MCPH1: variants seen among roughly 807,000 people sequenced by gnomAD.
MCPH1 encodes the protein microcephalin 1, also known as microcephalin.
MCPH1 carries 104 observed loss-of-function variants against 84.5 expected under a neutral mutation model. That is an observed-to-expected ratio of 1.23 (90% CI 1.05 to 1.45). The LOEUF is 1.45. MCPH1 is among the 40% of genes most tolerant of loss of function. The pLI is 0.00. For missense variants in MCPH1, 1,498 were observed against 1,005.7 expected (o/e 1.49, Z -6.62); for synonymous variants, 514 against 366.8 (o/e 1.40, Z -4.58).
chr8:6,422,494 A>G (rs576315605), intron 3 of MCPH1, among the ~76,000 whole-genome samples: 23 of 152,296 alleles, frequency 1.5e-4, no homozygotes, highest in South Asian at 4.1e-4. Flanking sequence ...AGCTAACCCT[A>G]CAATGGGGAT....
intron 12 of MCPH1, among the ~76,000 whole-genome samples, chr8:6,566,252 AGCTT>A (rs1442518558): frequency 1.3e-5 from 2 of 152,242 alleles, no homozygotes; most frequent in African/African-American, 4.8e-5. Flanking sequence ...CCTGGACTGT[AGCTT>A]GCTGGCCTCT....
intron 12 of MCPH1, among the ~76,000 whole-genome samples, chr8:6,524,702 C>T (rs1030627444): frequency 3.9e-5 from 6 of 152,288 alleles, no homozygotes; most frequent in African/African-American, 7.2e-5. Context: ...TGATGGTCTT[C>T]ACATCATCAA....
At chr8:6,458,273 C>G (rs563858624) in intron 9 of MCPH1, among the ~76,000 whole-genome samples, 1 of 152,004 alleles carries the variant, frequency 6.6e-6, no homozygotes, top group Non-Finnish European at 1.5e-5. Context: ...GAGATCAAGA[C>G]CATCCTGGCT....
At chr8:6,622,301 A>C (rs997639575) in intron 13 of MCPH1, 8 of 161,504 alleles carry the variant, frequency 5.0e-5, no homozygotes, top group African/African-American at 1.7e-4. Flanking sequence ...AGCTGAGCTG[A>C]GATCGGAGGA....
chr8:6,420,412 G>T (rs1382764065), intron 3 of MCPH1, among the ~76,000 whole-genome samples: 2 of 152,170 alleles, frequency 1.3e-5, no homozygotes, highest in Non-Finnish European at 2.9e-5. Context: ...AGCTGTGTTG[G>T]AATTTGATTA....
rs1057232612 is a variant in MCPH1 at position 6,480,735 on chromosome 8, G to C, written c.1995G>C (p.Gln665His). Residue 665 changes from glutamine to histidine, a missense_variant, in exon 11 of 14, where the codon CAG becomes CAC. Physicochemically the swap from Gln to His is conservative, Grantham distance 24. Coordinates refer to ENST00000344683, the MANE Select transcript of MCPH1 (RefSeq NM_024596.5). The stretch of plus-strand genomic sequence containing the variant: ...ACAGAAAGCAGAATGTCGTCATCCA[G>C]GTTGTGGATAAATTGAAAGGCTTTT... ...MPSEKQNVVI[Q>H]VVDKLKGFSI... 5.0e-6 allele frequency: 8 copies of C among 1,614,034 alleles called. No homozygotes were observed. Among genetic ancestry groups the C allele is most frequent in the South Asian group, 3.3e-5 (3 of 91,086 alleles).
At position 6,464,714 on chromosome 8, in the gene MCPH1, T is replaced by C. The variant is rs186434036; in HGVS notation, c.1935+9462T>C. ...AGAAGTCTATTTAAGATCTGCTGCT[T>C]TGGCCAGGTGTGGTGGCTCACGCCT... On this transcript the variant is annotated intron_variant, in intron 9 of 13. Transcript: ENST00000344683. Among the ~76,000 whole-genome samples, 189 of 152,308 alleles carry C rather than the reference T, an allele frequency of 1.2e-3. 1 individual carries two copies. The highest frequency in any genetic ancestry group is 4.3e-3 in the African/African-American group (180 of 41,576).
chr8:6,526,375 A>G (rs528917574), intron 12 of MCPH1, among the ~76,000 whole-genome samples: 3 of 151,662 alleles, frequency 2.0e-5, no homozygotes, highest in Admixed American at 6.6e-5. Context: ...TTGAGGATGC[A>G]GTAAGCTGAG....
intron 12 of MCPH1, among the ~76,000 whole-genome samples, chr8:6,563,795 T>A (rs1189551213): frequency 6.6e-6 from 1 of 152,162 alleles, no homozygotes; most frequent in Non-Finnish European, 1.5e-5. Context: ...TTCCGAACAG[T>A]TGGATAGAAA....
chr8:6,439,655 C>T (rs984297971), intron 6 of MCPH1, among the ~76,000 whole-genome samples: 2 of 152,098 alleles, frequency 1.3e-5, no homozygotes, highest in Non-Finnish European at 2.9e-5. Flanking sequence ...CCTCGGCCTC[C>T]CAAACGGCTG....
chr8:6,601,237 C>T (rs542918865), intron 12 of MCPH1, among the ~76,000 whole-genome samples: 2 of 152,328 alleles, frequency 1.3e-5, no homozygotes, highest in East Asian at 3.9e-4. Flanking sequence ...GCTGTCTTTG[C>T]AGGTGCATCT....
intron 12 of MCPH1, among the ~76,000 whole-genome samples, chr8:6,540,989 G>T (rs995283897): frequency 6.6e-6 from 1 of 152,120 alleles, no homozygotes; most frequent in Non-Finnish European, 1.5e-5. Flanking sequence ...GGAGCCTAGT[G>T]GGCATTCATG....
At chr8:6,502,362 A>T (rs1272296532) in intron 12 of MCPH1, 1 of 152,230 alleles carries the variant, frequency 6.6e-6, no homozygotes, top group Admixed American at 6.5e-5. Context: ...AGAAAAAAAT[A>T]GTACGGTCTG....
intron 13 of MCPH1, among the ~76,000 whole-genome samples, chr8:6,637,439 C>T (rs953430460): frequency 6.6e-6 from 1 of 151,954 alleles, no homozygotes; most frequent in African/African-American, 2.4e-5. Context: ...TCAGGAGAAG[C>T]GGTAAGTTTA....
intron 12 of MCPH1, among the ~76,000 whole-genome samples, chr8:6,532,066 T>C (rs1004362571): frequency 2.6e-5 from 4 of 152,176 alleles, no homozygotes; most frequent in Non-Finnish European, 5.9e-5. Flanking sequence ...CTTGCAGTGG[T>C]TGGGATGCGT....
intron 6 of MCPH1, 27 bp downstream of exon 6, chr8:6,439,123 A>C (rs1779179676): frequency 1.9e-6 from 3 of 1,604,742 alleles, no homozygotes; most frequent in Non-Finnish European, 2.6e-6. Flanking sequence ...TAAAATGAAA[A>C]TTATGCAAAT....
intron 11 of MCPH1, among the ~76,000 whole-genome samples, chr8:6,485,398 G>T (rs1254736030): frequency 6.6e-6 from 1 of 152,084 alleles, no homozygotes; most frequent in Non-Finnish European, 1.5e-5. Flanking sequence ...GTAGGACCGG[G>T]CTAGTGTCTT....
intron 12 of MCPH1, among the ~76,000 whole-genome samples, chr8:6,608,725 C>T (rs1451453140): frequency 6.6e-6 from 1 of 152,218 alleles, no homozygotes; most frequent in Non-Finnish European, 1.5e-5. Context: ...GCTGCAGCAA[C>T]TGGAATTGTT....
chr8:6,488,789 T>A lies in MCPH1; in HGVS notation c.2136+7913T>A, dbSNP rs183308766. On this transcript the variant is annotated intron_variant, in intron 11 of 13. Coordinates refer to ENST00000344683, the MANE Select transcript of MCPH1 (RefSeq NM_024596.5). Reference sequence around the variant, plus strand: ...TGGCAGCTTTTGTCTCTGTGGCCTCTCAGCAAAGAATGGATTGCAGGGAGG... The same window carrying A: ...TGGCAGCTTTTGTCTCTGTGGCCTCACAGCAAAGAATGGATTGCAGGGAGG... 3.9e-3 allele frequency among the ~76,000 whole-genome samples: 599 copies of A among 152,136 alleles called. 1 individual carries two copies. The highest frequency in any genetic ancestry group is 6.8e-3 in the Middle Eastern group (2 of 294).
Sources: allele counts gnomAD v4.1 joint callset (sites outside exome capture counted in the v4.1 genomes callset), GRCh38; gene constraint gnomAD v4.1.1; transcripts MANE v1.5; gene names NCBI Gene and HGNC (gene_info 2026-07-23, HGNC 2026-07-21).